The following BTBD10 variants were observed in gnomAD, a reference collection of about 807,000 sequenced individuals.
The protein encoded by BTBD10 is BTB domain containing 10.
In BTBD10, 21 loss-of-function variants were observed where a neutral mutation model predicts 53.2. That is an observed-to-expected ratio of 0.39 (90% CI 0.28 to 0.57). The LOEUF is 0.57. Ranked by LOEUF, BTBD10 falls within the 20% of genes least tolerant of loss-of-function variation. The probability of loss-of-function intolerance (pLI) is 0.53; values close to 1 mark genes in which losing one functional copy is unlikely to be tolerated. For synonymous variants in BTBD10, 149 were observed against 192.7 expected, an observed-to-expected ratio of 0.77 and a Z score of 1.88; for missense variants, 360 against 594.7, an observed-to-expected ratio of 0.61 and a Z score of 4.10.
At chr11:13,396,082 A>T (rs1425496562) in intron 8 of BTBD10, among the ~76,000 whole-genome samples, 2 of 152,144 alleles carry the variant, frequency 1.3e-5, no homozygotes, top group African/African-American at 4.8e-5. Flanking sequence ...GAAGAAAGTC[A>T]TTGGTAGCTT....
At chr11:13,446,013 T>C (rs1161760859) in intron 1 of BTBD10, among the ~76,000 whole-genome samples, 1 of 152,164 alleles carries the variant, frequency 6.6e-6, no homozygotes, top group Non-Finnish European at 1.5e-5. Context: ...CTAAATGGTA[T>C]TATAAAGAAC....
chr11:13,434,956 T>C (rs1054351548), intron 2 of BTBD10, among the ~76,000 whole-genome samples: 12 of 152,220 alleles, frequency 7.9e-5, no homozygotes, highest in African/African-American at 2.9e-4. Flanking sequence ...TTCCATTTAC[T>C]GAATGCAAGT....
Position 13,417,274 on chromosome 11 carries a change from T to C in BTBD10, c.585-14A>G, listed in dbSNP as rs1402347187. ...GATCCAAACATCCTATGATAGTAAATAATTGAGAAATACGTCAATAGAATA... is the reference window on the plus strand; with the variant it reads ...GATCCAAACATCCTATGATAGTAAACAATTGAGAAATACGTCAATAGAATA... On this transcript the variant is annotated splice_polypyrimidine_tract_variant and intron_variant, in intron 4 of 8. Coordinates refer to ENST00000278174, the MANE Select transcript of BTBD10 (RefSeq NM_032320.7). The C allele has an allele frequency of 1.9e-6, 3 of 1,569,536 alleles. No homozygotes were observed. In the South Asian group the frequency reaches 3.5e-5, roughly 18 times the overall value.
rs746199483 is a variant in BTBD10, at chr11:13,388,788, C to G, written c.*43G>C. Reference sequence around the variant, plus strand: ...GTGCAGAATGAGGAGAGTACAACGTCACTGTGAAGAGTAGCATGCTATGGT... The same window carrying G: ...GTGCAGAATGAGGAGAGTACAACGTGACTGTGAAGAGTAGCATGCTATGGT... On this transcript the variant is annotated 3_prime_UTR_variant, in exon 9 of 9. Coordinates refer to ENST00000278174, the MANE Select transcript of BTBD10 (RefSeq NM_032320.7). The G allele has an allele frequency of 6.4e-7, 1 of 1,565,848 alleles. No individual in the cohort carries two copies. The highest frequency in any genetic ancestry group is 8.7e-7 in the Non-Finnish European group (1 of 1,151,852).
chr11:13,461,351 G>A (rs1336650860), intron 1 of BTBD10, among the ~76,000 whole-genome samples: 1 of 152,136 alleles, frequency 6.6e-6, no homozygotes, highest in Non-Finnish European at 1.5e-5. Context: ...TGCTGAAGAT[G>A]GGGTCCATAT....
At chr11:13,431,144 A>T (rs1356469684) in intron 2 of BTBD10, among the ~76,000 whole-genome samples, 1 of 152,150 alleles carries the variant, frequency 6.6e-6, no homozygotes, top group East Asian at 1.9e-4. Context: ...TCTTCTTCTA[A>T]TAGTCCTTTC....
intron 8 of BTBD10, among the ~76,000 whole-genome samples, chr11:13,400,167 G>A (rs1462059001): frequency 2.0e-5 from 3 of 152,250 alleles, no homozygotes; most frequent in East Asian, 1.9e-4. Context: ...GAGGCAGGCA[G>A]GCCTCCTTGA....
chr11:13,431,275 T>C (rs1950444121), intron 2 of BTBD10, among the ~76,000 whole-genome samples: 1 of 152,030 alleles, frequency 6.6e-6, no homozygotes, highest in Non-Finnish European at 1.5e-5. Context: ...ACTTCTACAA[T>C]CAGATTAAAA....
intron 8 of BTBD10, among the ~76,000 whole-genome samples, chr11:13,396,813 C>T (rs1198316279): frequency 6.6e-6 from 1 of 152,198 alleles, no homozygotes; most frequent in African/African-American, 2.4e-5. Context: ...TGTTTTTTGT[C>T]TTTGGTTCTG....
At chr11:13,452,754 G>A (rs758119148) in intron 1 of BTBD10, among the ~76,000 whole-genome samples, 2 of 152,068 alleles carry the variant, frequency 1.3e-5, no homozygotes, top group African/African-American at 4.8e-5. Context: ...ATTCAAGACC[G>A]CAATTTCCTT....
chr11:13,440,467 T>C (rs1425894529), intron 2 of BTBD10, among the ~76,000 whole-genome samples: 1 of 152,232 alleles, frequency 6.6e-6, no homozygotes. Flanking sequence ...CAGCTAACTT[T>C]CTTTTTCCTT....
intron 2 of BTBD10, among the ~76,000 whole-genome samples, chr11:13,432,731 T>C (rs1430514242): frequency 1.3e-5 from 2 of 151,850 alleles, no homozygotes; most frequent in Non-Finnish European, 2.9e-5. Flanking sequence ...TGCAAAATAA[T>C]AGCAGAAATT....
chr11:13,424,128 T>C (rs550879964), intron 2 of BTBD10, among the ~76,000 whole-genome samples: 1 of 152,320 alleles, frequency 6.6e-6, no homozygotes, highest in South Asian at 2.1e-4. Flanking sequence ...AAATAACTCT[T>C]CAAATTATTC....
chr11:13,396,010 T>C (rs1319108032), intron 8 of BTBD10, among the ~76,000 whole-genome samples: 4 of 152,286 alleles, frequency 2.6e-5, no homozygotes, highest in African/African-American at 9.6e-5. Flanking sequence ...TAGGATTGAC[T>C]TGGCAATGCG....
intron 1 of BTBD10, among the ~76,000 whole-genome samples, chr11:13,450,484 AAG>A (rs1460245282): frequency 1.3e-5 from 2 of 152,212 alleles, no homozygotes; most frequent in Admixed American, 6.5e-5. Flanking sequence ...TTAGGAATAA[AAG>A]AGAGACTGTA....
chr11:13,391,327 G>A (rs1233404994), intron 8 of BTBD10, among the ~76,000 whole-genome samples: 5 of 152,014 alleles, frequency 3.3e-5, no homozygotes, highest in African/African-American at 4.8e-5. Flanking sequence ...TGATCCCTGC[G>A]CTCCACCTTC....
intron 7 of BTBD10, 67 bp from the exon 8 acceptor site, chr11:13,403,345 C>T: frequency 1.1e-6 from 1 of 921,288 alleles, no homozygotes; most frequent in Non-Finnish European, 1.6e-6. Context: ...TTAAATTTAT[C>T]TTGCTCATCA....
chr11:13,408,860 C>T (rs532981426), intron 6 of BTBD10, among the ~76,000 whole-genome samples: 39 of 152,270 alleles, frequency 2.6e-4, no homozygotes, highest in Middle Eastern at 3.4e-3. Flanking sequence ...GCACAATTCC[C>T]CTTTTGGTCC....
chr11:13,452,530 GA>G (rs1311854262), intron 1 of BTBD10, among the ~76,000 whole-genome samples: 4 of 152,098 alleles, frequency 2.6e-5, no homozygotes, highest in African/African-American at 9.7e-5. Context: ...AAGGCATAAT[GA>G]AACCACTTTT....
Sources: gnomAD v4.1 joint callset for allele counts (sites outside exome capture counted in the v4.1 genomes callset) on GRCh38, gnomAD v4.1.1 for gene constraint, MANE v1.5 for transcripts, NCBI Gene and HGNC (gene_info 2026-07-23, HGNC 2026-07-21) for gene names.